DLG2: variants seen among roughly 807,000 people sequenced by gnomAD.
DLG2 encodes the protein disks large homolog 2.
DLG2 carries 45 observed loss-of-function variants against 132.5 expected under a neutral mutation model. That is an observed-to-expected ratio of 0.34 (90% CI 0.27 to 0.44). The LOEUF is 0.44. DLG2 is among the 20% of genes least tolerant of loss of function. The pLI, the probability that DLG2 is intolerant of heterozygous loss-of-function variation, is 1.00. For synonymous variants in DLG2, 424 were observed against 419.6 expected (o/e 1.01, Z -0.13); for missense variants, 1,045 against 1,196.9 (o/e 0.87, Z 1.87).
rs139489363 is a variant in DLG2, at chr11:84,817,948, A to G, written c.358-283217T>C. On this transcript the variant is annotated intron_variant, in intron 6 of 27. Coordinates refer to ENST00000376104, the MANE Select transcript of DLG2 (RefSeq NM_001142699.3). ...TTTCTTCTCTAAAATAATCATAACAATTATATATTAATATTACTAATAACA... is the reference window on the plus strand; with the variant it reads ...TTTCTTCTCTAAAATAATCATAACAGTTATATATTAATATTACTAATAACA... Among the ~76,000 whole-genome samples the G allele has an allele frequency of 4.3e-3, 648 of 152,108 alleles. 4 individuals are homozygous for G. Among genetic ancestry groups the G allele is most frequent in the Middle Eastern group, 0.02 (6 of 294 alleles).
intron 11 of DLG2, among the ~76,000 whole-genome samples, chr11:84,041,075 T>A (rs2096065834): frequency 1.3e-5 from 2 of 152,018 alleles, no homozygotes; most frequent in South Asian, 4.2e-4. Flanking sequence ...TGATTTTGTA[T>A]CCTGAGACTT....
chr11:83,790,412 A>AT (rs2041218854), intron 17 of DLG2: 1 of 1,027,734 alleles, frequency 9.7e-7, no homozygotes, highest in Non-Finnish European at 1.5e-6. Context: ...CCAACATGTG[A>AT]TTGGTCCCCA....
At chr11:84,827,331 G>C in intron 6 of DLG2, among the ~76,000 whole-genome samples, 1 of 151,344 alleles carries the variant, frequency 6.6e-6, no homozygotes, top group Admixed American at 6.6e-5. Flanking sequence ...ACAATGACTA[G>C]AAGACAGCTC....
chr11:84,037,120 T>A (rs1480371108), intron 11 of DLG2, among the ~76,000 whole-genome samples: 1 of 152,108 alleles, frequency 6.6e-6, no homozygotes, highest in East Asian at 1.9e-4. Flanking sequence ...ATGTAACAGG[T>A]AATATACCTA....
chr11:85,160,983 G>A (rs777662988), intron 4 of DLG2, among the ~76,000 whole-genome samples: 2 of 152,188 alleles, frequency 1.3e-5, no homozygotes, highest in Non-Finnish European at 2.9e-5. Flanking sequence ...GAAATGACCA[G>A]ATGTGTGATT....
At chr11:83,825,130 TATACAC>T (rs1478129870) in intron 17 of DLG2, among the ~76,000 whole-genome samples, 15 of 89,174 alleles carry the variant, frequency 1.7e-4, no homozygotes, top group African/African-American at 5.6e-4. Flanking sequence ...CACATATATA[TATACAC>T]ACACACACAC....
intron 6 of DLG2, among the ~76,000 whole-genome samples, chr11:84,707,222 A>G (rs1319137073): frequency 6.6e-6 from 1 of 151,822 alleles, no homozygotes; most frequent in Non-Finnish European, 1.5e-5. Context: ...GATCAAATCT[A>G]TAAGTGATTT....
chr11:84,897,475 T>C (rs1181378721), intron 6 of DLG2, among the ~76,000 whole-genome samples: 1 of 151,860 alleles, frequency 6.6e-6, no homozygotes, highest in Non-Finnish European at 1.5e-5. Flanking sequence ...CCCAAGTAAT[T>C]TCCTAGAGAT....
intron 7 of DLG2, among the ~76,000 whole-genome samples, chr11:84,409,990 T>C (rs998024653): frequency 3.3e-5 from 5 of 152,206 alleles, no homozygotes; most frequent in Admixed American, 3.3e-4. Context: ...CAATGTAATG[T>C]CATCCTTTTA....
intron 8 of DLG2, among the ~76,000 whole-genome samples, chr11:84,189,348 A>G (rs2096354788): frequency 6.6e-6 from 1 of 152,234 alleles, no homozygotes; most frequent in Admixed American, 6.5e-5. Flanking sequence ...AATGTTGTGG[A>G]GAAAAAGGTA....
intron 7 of DLG2, among the ~76,000 whole-genome samples, chr11:84,364,830 T>C (rs976308314): frequency 6.6e-6 from 1 of 152,218 alleles, no homozygotes; most frequent in African/African-American, 2.4e-5. Context: ...TTTGTGTATA[T>C]TGAAGGAGCC....
chr11:85,368,092 T>C lies in DLG2; in HGVS notation c.41-82727A>G, dbSNP rs533194546. Among the ~76,000 whole-genome samples, 9 of 152,348 alleles carry C rather than the reference T, an allele frequency of 5.9e-5. No homozygotes were observed. The South Asian group carries it at 8.3e-4, about 14-fold the overall frequency. On this transcript the variant is annotated intron_variant, in intron 3 of 27. Coordinates refer to ENST00000376104, the MANE Select transcript of DLG2 (RefSeq NM_001142699.3). ...ACTTACCTATCTTTGAAAGTTTACA[T>C]GTATTTGATTTTAACCCTACCTGAG...
intron 6 of DLG2, among the ~76,000 whole-genome samples, chr11:84,948,316 G>A (rs2050483945): frequency 6.6e-6 from 1 of 152,078 alleles, no homozygotes; most frequent in Non-Finnish European, 1.5e-5. Context: ...CTTCTCTCTA[G>A]CTTCTTTTTT....
chr11:84,851,861 TTTA>T lies in DLG2; in HGVS notation c.357+259797_357+259799del, dbSNP rs1348860960. On this transcript the variant is annotated intron_variant, in intron 6 of 27. Coordinates refer to ENST00000376104, the MANE Select transcript of DLG2 (RefSeq NM_001142699.3). ...CTATATATGTTAAATGATATAGATT[TTTA>T]TTATGATAGTTATATACAATTTTGT... 2.2e-4 allele frequency among the ~76,000 whole-genome samples: 33 copies of T among 151,996 alleles called. 1 individual carries two copies. The highest frequency in any genetic ancestry group is 7.5e-4 in the African/African-American group (31 of 41,550).
rs538033454 is a variant in DLG2 at position 83,729,827 on chromosome 11, A to G, written c.1825+56863T>C. Among the ~76,000 whole-genome samples the G allele has an allele frequency of 6.6e-5, 10 of 152,296 alleles. 1 individual carries two copies. In the East Asian group the frequency reaches 1.9e-3, roughly 29 times the overall value. On this transcript the variant is annotated intron_variant, in intron 18 of 27. Coordinates refer to ENST00000376104, the MANE Select transcript of DLG2 (RefSeq NM_001142699.3). ...GTGAATCTGAGTTGCCCATTTCTAT[A>G]CAGATTCATTTATTGCTAAATGAAC...
intron 6 of DLG2, among the ~76,000 whole-genome samples, chr11:85,035,372 A>C (rs1311529587): frequency 6.6e-6 from 1 of 152,244 alleles, no homozygotes; most frequent in Non-Finnish European, 1.5e-5. Flanking sequence ...TAGAAACAAA[A>C]GAGGTTTAAT....
At chr11:85,510,731 G>A (rs1598117060) in intron 3 of DLG2, among the ~76,000 whole-genome samples, 5 of 152,164 alleles carry the variant, frequency 3.3e-5, no homozygotes, top group African/African-American at 1.2e-4. Context: ...AATAGGTGCT[G>A]GAAAGGATGT....
At chr11:85,062,845 G>C (rs149037434) in intron 6 of DLG2, among the ~76,000 whole-genome samples, 118 of 151,682 alleles carry the variant, frequency 7.8e-4, no homozygotes, top group African/African-American at 2.7e-3. Flanking sequence ...ACTAGGTTGT[G>C]GTTTTTGAAA....
At chr11:84,341,129 A>G (rs1302250214) in intron 7 of DLG2, among the ~76,000 whole-genome samples, 3 of 152,170 alleles carry the variant, frequency 2.0e-5, no homozygotes, top group Non-Finnish European at 4.4e-5. Context: ...TCCATTGCAT[A>G]GTAGCTGTGA....
Sources: gnomAD v4.1 joint callset for allele counts (sites outside exome capture counted in the v4.1 genomes callset) on GRCh38, gnomAD v4.1.1 for gene constraint, MANE v1.5 for transcripts, NCBI Gene and HGNC (gene_info 2026-07-23, HGNC 2026-07-21) for gene names.